MGAT4C: variants seen among roughly 807,000 people sequenced by gnomAD.
The protein encoded by MGAT4C is MGAT4 family member C, also known as alpha-1,3-mannosyl-glycoprotein 4-beta-N-acetylglucosaminyltransferase C.
In MGAT4C, 19 loss-of-function variants were observed where a neutral mutation model predicts 40.1. The observed-to-expected ratio is 0.47, with a 90% CI of 0.33 to 0.70. The LOEUF (loss-of-function observed/expected upper bound fraction) is 0.70, where lower values mean the gene tolerates loss of function less well. Among genes scored for constraint, MGAT4C ranks in the 30% least tolerant of loss-of-function variants. The probability of loss-of-function intolerance (pLI) is 0.02; values close to 1 mark genes in which losing one functional copy is unlikely to be tolerated. For synonymous variants in MGAT4C, 181 were observed against 187.1 expected, an observed-to-expected ratio of 0.97 and a Z score of 0.27; for missense variants, 491 against 563.2, an observed-to-expected ratio of 0.87 and a Z score of 1.30.
At chr12:86,111,655 A>G (rs1257227526) in intron 1 of MGAT4C, among the ~76,000 whole-genome samples, 1 of 151,828 alleles carries the variant, frequency 6.6e-6, no homozygotes, top group Non-Finnish European at 1.5e-5. Context: ...GAAGTCTATA[A>G]CCTAAGCCTT....
chr12:86,102,290 G>A (rs957162285), intron 1 of MGAT4C, among the ~76,000 whole-genome samples: 8 of 151,760 alleles, frequency 5.3e-5, no homozygotes, highest in Non-Finnish European at 1.2e-4. Context: ...AAGAGCCAAA[G>A]GTTTCCAAAA....
chr12:86,652,003 C>T (rs1213968496), intron 2 of MGAT4C, among the ~76,000 whole-genome samples: 1 of 151,834 alleles, frequency 6.6e-6, no homozygotes, highest in East Asian at 1.9e-4. Flanking sequence ...CCAAACCAGA[C>T]CAGTCTCTGT....
intron 2 of MGAT4C, among the ~76,000 whole-genome samples, chr12:86,006,139 C>A (rs573319860): frequency 6.6e-6 from 1 of 152,182 alleles, no homozygotes; most frequent in East Asian, 1.9e-4. Context: ...AGCCTTTGTG[C>A]TTGTTGCTGT....
chr12:86,537,691 G>C (rs1443201113), intron 2 of MGAT4C, among the ~76,000 whole-genome samples: 2 of 152,144 alleles, frequency 1.3e-5, no homozygotes, highest in South Asian at 4.2e-4. Context: ...CTCTAATTTG[G>C]GGACAATGAA....
In MGAT4C at chr12:86,351,895, G is replaced by A. The variant is rs146096197; in HGVS notation, c.-119-17768C>T. On this transcript the variant is annotated intron_variant, in intron 3 of 7. Coordinates refer to the MGAT4C transcript ENST00000548651. Reference sequence around the variant, plus strand: ...ATTATATGGTTGATAAGTGAAAGAGGCTTAACACAGTTTAATGTATGAAAG... The same window carrying A: ...ATTATATGGTTGATAAGTGAAAGAGACTTAACACAGTTTAATGTATGAAAG... 6.4e-3 allele frequency among the ~76,000 whole-genome samples: 968 copies of A among 152,102 alleles called. 7 individuals are homozygous for A. Among genetic ancestry groups the A allele is most frequent in the African/African-American group, 0.022 (933 of 41,552 alleles).
At chr12:85,994,422 G>C (rs963176759) in intron 2 of MGAT4C, among the ~76,000 whole-genome samples, 4 of 152,052 alleles carry the variant, frequency 2.6e-5, no homozygotes, top group African/African-American at 9.7e-5. Flanking sequence ...CAGCAGAATA[G>C]GCTGAGAAGC....
intron 2 of MGAT4C, among the ~76,000 whole-genome samples, chr12:86,456,206 A>C (rs1407650373): frequency 6.6e-6 from 1 of 152,152 alleles, no homozygotes; most frequent in African/African-American, 2.4e-5. Context: ...AATGTTAGCA[A>C]GGCAATATCT....
chr12:86,680,038 T>C (rs1949951165), intron 2 of MGAT4C, among the ~76,000 whole-genome samples: 2 of 151,946 alleles, frequency 1.3e-5, no homozygotes, highest in Non-Finnish European at 2.9e-5. Flanking sequence ...CCTCTTTCTA[T>C]CCCCTTTTCT....
chr12:86,629,018 T>G (rs1294539785), intron 2 of MGAT4C, among the ~76,000 whole-genome samples: 1 of 151,958 alleles, frequency 6.6e-6, no homozygotes. Flanking sequence ...CCATTTCATA[T>G]GCAGAGACAC....
intron 2 of MGAT4C, among the ~76,000 whole-genome samples, chr12:86,722,460 C>G (rs1950753112): frequency 6.6e-6 from 1 of 152,186 alleles, no homozygotes; most frequent in South Asian, 2.1e-4. Context: ...TAAACACACA[C>G]ACACATTATA....
chr12:86,756,154 G>T (rs921108674), intron 1 of MGAT4C, among the ~76,000 whole-genome samples: 7 of 152,140 alleles, frequency 4.6e-5, no homozygotes, highest in African/African-American at 1.7e-4. Context: ...GAGCCCAGAA[G>T]TGAAAGATCA....
chr12:86,259,707 A>C (rs1042816801), upstream of MGAT4C, among the ~76,000 whole-genome samples: 1 of 26,458 alleles, frequency 3.8e-5, no homozygotes, highest in South Asian at 1.4e-3. Flanking sequence ...TAACTTTAAT[A>C]GTGTGTAAAA....
intron 2 of MGAT4C, among the ~76,000 whole-genome samples, chr12:86,593,276 G>A (rs1266563438): frequency 6.7e-6 from 1 of 149,820 alleles, no homozygotes; most frequent in South Asian, 2.1e-4. Flanking sequence ...TTTTTTTTTT[G>A]GTCAAGGTAG....
intron 2 of MGAT4C, among the ~76,000 whole-genome samples, chr12:86,012,974 A>G (rs1475873352): frequency 6.6e-6 from 1 of 152,118 alleles, no homozygotes. Flanking sequence ...AATTAAAAAA[A>G]AAAAAAATTA....
intron 2 of MGAT4C, among the ~76,000 whole-genome samples, chr12:86,008,076 T>C (rs1216318405): frequency 6.6e-6 from 1 of 152,060 alleles, no homozygotes; most frequent in African/African-American, 2.4e-5. Context: ...ATCTGAAATA[T>C]GATGATGTGA....
At chr12:86,823,592 C>T (rs1420905410) in intron 1 of MGAT4C, among the ~76,000 whole-genome samples, 2 of 150,394 alleles carry the variant, frequency 1.3e-5, no homozygotes, top group African/African-American at 4.9e-5. Flanking sequence ...GAGTAAAATA[C>T]AATCATAAAA....
intron 2 of MGAT4C, among the ~76,000 whole-genome samples, chr12:86,670,201 T>C (rs1964218562): frequency 6.6e-6 from 1 of 152,064 alleles, no homozygotes; most frequent in African/African-American, 2.4e-5. Context: ...CCAGTAATGG[T>C]CCATAACCAA....
intron 3 of MGAT4C, among the ~76,000 whole-genome samples, chr12:85,988,432 C>G (rs566432953): frequency 6.6e-6 from 1 of 152,142 alleles, no homozygotes; most frequent in African/African-American, 2.4e-5. Flanking sequence ...GAAATACTCT[C>G]TCTCTTGTTA....
At chr12:86,579,613 C>A (rs1295515976) in intron 2 of MGAT4C, among the ~76,000 whole-genome samples, 1 of 151,392 alleles carries the variant, frequency 6.6e-6, no homozygotes, top group East Asian at 2.0e-4. Context: ...TTGTAATAGT[C>A]TGTGTTTTTC....
Sources: allele counts gnomAD v4.1 joint callset (sites outside exome capture counted in the v4.1 genomes callset), GRCh38; gene constraint gnomAD v4.1.1; transcripts MANE v1.5; gene names NCBI Gene and HGNC (gene_info 2026-07-23, HGNC 2026-07-21).